SHC1: variants seen among roughly 807,000 people sequenced by gnomAD.
SHC1 encodes SHC adaptor protein 1.
In SHC1, 30 loss-of-function variants were observed where a neutral mutation model predicts 55.9. The observed-to-expected ratio is 0.54, with a 90% confidence interval of 0.40 to 0.73. The LOEUF (loss-of-function observed/expected upper bound fraction) is 0.73, where lower values mean the gene tolerates loss of function less well. Ranked by LOEUF, SHC1 falls within the 30% of genes least tolerant of loss-of-function variation. SHC1 has a pLI of 0.00. For synonymous variants in SHC1, 309 were observed against 306.1 expected (o/e 1.01, Z -0.10); for missense variants, 675 against 777.1 (o/e 0.87, Z 1.56).
In SHC1 at chr1:154,965,959, G is replaced by A. The variant is rs756985042; in HGVS notation, c.1374C>T (p.Asp458=). 2.4e-5 allele frequency: 39 copies of A among 1,612,968 alleles called. No homozygotes were observed. The Admixed American group carries it at 6.0e-4, about 25-fold the overall frequency. ...ACGAGCACTCACTCATGTCAAACAG[G>A]TCCCGGGGTGCACTGCCATTGATAG... The part of the protein sequence containing the change: ...NPAINGSAPR[D]LFDMKPFEDA... The change falls in exon 10 of 12, where the codon GAC becomes GAT. Residue 458 remains aspartate (D), a synonymous_variant. Transcript: ENST00000448116.
upstream of SHC1, chr1:154,973,189 T>C (rs1466343999): frequency 1.3e-5 from 2 of 152,124 alleles, no homozygotes; most frequent in East Asian, 1.9e-4. Context: ...CCCTTTCAAA[T>C]AGTTCTACCC....
At chr1:154,965,924 G>GA in intron 10 of SHC1, 22 bp downstream of exon 10, 1 of 1,599,890 alleles carries the variant, frequency 6.3e-7, no homozygotes, top group Non-Finnish European at 8.5e-7. Context: ...GGGATGCAGA[G>GA]AGGAGAGAGA....
rs909862091 is a variant in SHC1, at chr1:154,962,407, T to C, written c.*1396A>G. 1.3e-5 allele frequency: 2 copies of C among 152,718 alleles called. No homozygotes were observed. Among genetic ancestry groups the C allele is most frequent in the Non-Finnish European group, 2.9e-5 (2 of 68,038 alleles). The allele number at this position is 152,718 out of a possible 1,614,324, so 9.5% of individuals were successfully genotyped here. A position where few individuals can be genotyped will look rare whatever the true frequency, so the allele number is the denominator to read the frequency against. ...AGGATGAAAACGGTCAACTCTCCCT[T>C]ATCCACAAGGCCAAAAGAGGGGGGG... On this transcript the variant is annotated 3_prime_UTR_variant, in exon 12 of 12. Coordinates refer to ENST00000448116, the MANE Select transcript of SHC1 (RefSeq NM_001130040.2).
intron 4 of SHC1, 35 bp downstream of exon 4, chr1:154,968,460 C>T (rs1409588570): frequency 6.2e-7 from 1 of 1,613,548 alleles, no homozygotes; most frequent in Non-Finnish European, 8.5e-7. Flanking sequence ...GCACCCCCAT[C>T]AGTGTTTCTG....
At chr1:154,964,250 T>G (rs1157633398) in intron 11 of SHC1, 1 of 487,564 alleles carries the variant, frequency 2.1e-6, no homozygotes, top group Non-Finnish European at 4.2e-6. Flanking sequence ...AAAAAAGATG[T>G]GGAGGCTGGG....
In SHC1 at chr1:154,970,720, T is replaced by G; in HGVS notation, c.-194A>C. The G allele has an allele frequency of 2.0e-6, 1 of 497,608 alleles. No homozygotes were observed. The highest frequency in any genetic ancestry group is 3.5e-6 in the Non-Finnish European group (1 of 283,064). The allele number at this position is 497,608 out of a possible 1,614,324, so 30.8% of individuals were successfully genotyped here. ...CAGACCCAGACAGTTTCAGGCCCCA[T>G]CCCCGCCCAACGTGGAGCCTCTTCT... On this transcript the variant is annotated 5_prime_UTR_variant, in exon 1 of 12. An upstream start codon of the reference 5' UTR is lost. Transcript: ENST00000448116. This position sits in a 1 kb window ranked among gnomAD's most constrained non-coding sequence, Gnocchi z 5.5.
At chr1:154,972,583 T>C (rs1656848200), upstream of SHC1, among the ~76,000 whole-genome samples, 1 of 152,140 alleles carries the variant, frequency 6.6e-6, no homozygotes, top group South Asian at 2.1e-4. Context: ...TGATGTTCTG[T>C]GGGAGCCTAC....
At chr1:154,969,278 C>A in intron 2 of SHC1, 100 bp downstream of exon 2, 1 of 780,628 alleles carries the variant, frequency 1.3e-6, no homozygotes, top group South Asian at 1.5e-5. Flanking sequence ...ACGCAAAGAT[C>A]AGCCCCCAGC....
At chr1:154,968,986 T>C in intron 2 of SHC1, 152 bp from the exon 3 acceptor site, 1 of 699,370 alleles carries the variant, frequency 1.4e-6, no homozygotes. Context: ...GGGCCTTTAA[T>C]ATTTGATGAC....
chr1:154,965,957 A>G lies in SHC1; in HGVS notation c.1376T>C (p.Leu459Pro). The G allele has an allele frequency of 6.2e-7, 1 of 1,611,824 alleles. No homozygotes were observed. The highest frequency in any genetic ancestry group is 8.5e-7 in the Non-Finnish European group (1 of 1,178,464). ...AGACGAGCACTCACTCATGTCAAACAGGTCCCGGGGTGCACTGCCATTGAT... is the reference window on the plus strand; with the variant it reads ...AGACGAGCACTCACTCATGTCAAACGGGTCCCGGGGTGCACTGCCATTGAT... The part of the protein sequence containing the change: ...PAINGSAPRD[L>P]FDMKPFEDAL... The change falls in exon 10 of 12, where the codon CTG (leucine) becomes CCG (proline). Residue 459 changes from leucine (L) to proline (P), a missense_variant. Leu to Pro is a moderately conservative substitution (Grantham distance 98). Coordinates refer to ENST00000448116, the MANE Select transcript of SHC1 (RefSeq NM_001130040.2).
chr1:154,966,131 C>T, intron 9 of SHC1, 31 bp downstream of exon 9: 1 of 1,614,112 alleles, frequency 6.2e-7, no homozygotes, highest in South Asian at 1.1e-5. Context: ...CCAACACTCC[C>T]CAGCTCTGCC....
intron 1 of SHC1, 119 bp downstream of exon 1, chr1:154,969,913 A>AG: frequency 5.4e-6 from 6 of 1,116,350 alleles, no homozygotes; most frequent in Non-Finnish European, 6.6e-6. Flanking sequence ...TTTAGGAAAT[A>AG]GGACACTGAA....
Position 154,963,745 on chromosome 1 carries a change from T to G in SHC1, c.*58A>C, listed in dbSNP as rs945481654. ...CACTCCCAAACGAGGTCCCGAGAGT[T>G]AGGGAATAGGGTGGAAAGGATTGGA... On this transcript the variant is annotated 3_prime_UTR_variant, in exon 12 of 12. Coordinates refer to ENST00000448116, the MANE Select transcript of SHC1 (RefSeq NM_001130040.2). 1.8e-5 allele frequency: 29 copies of G among 1,592,836 alleles called. No homozygotes were observed. Among genetic ancestry groups the G allele is most frequent in the Admixed American group, 3.4e-5 (2 of 59,512 alleles).
At chr1:154,972,100 T>C (rs575307340), upstream of SHC1, among the ~76,000 whole-genome samples, 6 of 151,834 alleles carry the variant, frequency 4.0e-5, no homozygotes, top group African/African-American at 1.2e-4. Flanking sequence ...ATACAAAAAT[T>C]AGCTGGGCGT....
chr1:154,963,870 T>C lies in SHC1; in HGVS notation c.1688A>G (p.Asn563Ser), dbSNP rs1165109797. Residue 563 changes from asparagine to serine, a missense_variant, in exon 12 of 12, where the codon AAT (asparagine) becomes AGT (serine). By Grantham distance (46) the Asn-to-Ser change is conservative. Around this residue, in one of 3 missense-constraint regions of SHC1, gnomAD observed 360 missense variants for 371.1 expected, o/e 0.97. Coordinates refer to ENST00000448116, the MANE Select transcript of SHC1 (RefSeq NM_001130040.2). The stretch of plus-strand genomic sequence containing the variant: ...GCCCGCAGAGATGATGGGCAAGTGA[T>C]TGTCCATGTGGTAGCTGATAAGGTG... ...VSHLISYHMDNHLPIISAGSE... is the reference protein window; with the variant it reads ...VSHLISYHMDSHLPIISAGSE... 1.2e-6 allele frequency: 2 copies of C among 1,614,012 alleles called. No individual in the cohort carries two copies. The highest frequency in any genetic ancestry group is 2.7e-5 in the African/African-American group (2 of 74,908).
upstream of SHC1, chr1:154,973,245 T>C (rs576923793): frequency 6.6e-6 from 1 of 152,344 alleles, no homozygotes; most frequent in South Asian, 2.1e-4. Flanking sequence ...GCGCAGTGGC[T>C]AACGCCTGTA....
rs1310527226 is a variant in SHC1, at chr1:154,970,467, C to A, written c.60G>T (p.Ser20=). 1.2e-6 allele frequency: 2 copies of A among 1,611,986 alleles called. No individual in the cohort carries two copies. The highest frequency in any genetic ancestry group is 2.2e-5 in the South Asian group (2 of 90,984). ...YNPLRNESLS[S]LEEGASGSTP... The stretch of plus-strand genomic sequence containing the variant: ...TGGACCCAGAAGCCCCTTCCTCCAG[C>A]GATGACAGAGACTCATTCCGGAGTG... The change falls in exon 1 of 12, where the codon TCG becomes TCT. Residue 20 remains serine, a synonymous_variant. Transcript: ENST00000448116. The surrounding 1 kb of genome is among the most constrained non-coding windows in gnomAD (Gnocchi z 5.5).
chr1:154,972,493 G>C (rs1164124299), upstream of SHC1, among the ~76,000 whole-genome samples: 1 of 152,096 alleles, frequency 6.6e-6, no homozygotes, highest in Non-Finnish European at 1.5e-5. Context: ...GGCATAGAGA[G>C]AATGAGGAAA....
intron 11 of SHC1, chr1:154,964,272 G>C: frequency 2.1e-6 from 1 of 477,614 alleles, no homozygotes; most frequent in Non-Finnish European, 4.3e-6. Flanking sequence ...ATGGTGGTCC[G>C]TGCCTGTAAT....
Sources: allele counts gnomAD v4.1 joint callset (sites outside exome capture counted in the v4.1 genomes callset), GRCh38; gene constraint gnomAD v4.1.1; regional missense constraint gnomAD v4.1.1; non-coding constraint Gnocchi (gnomAD v3.1); transcripts MANE v1.5; gene names NCBI Gene and HGNC (gene_info 2026-07-23, HGNC 2026-07-21).